The following DNAI1 variants were observed in gnomAD, a reference collection of about 807,000 sequenced individuals.
DNAI1 encodes dynein axonemal intermediate chain 1.
DNAI1 carries 67 observed loss-of-function variants against 92.0 expected under a neutral mutation model. The observed-to-expected ratio is 0.73, with a 90% CI of 0.60 to 0.89. The LOEUF is 0.89. Among genes scored for constraint, DNAI1 ranks in the 40% least tolerant of loss-of-function variants. The pLI, the probability that DNAI1 is intolerant of heterozygous loss-of-function variation, is 0.00. For missense variants in DNAI1, 839 were observed against 866.6 expected, an observed-to-expected ratio of 0.97 and a Z score of 0.40; for synonymous variants, 323 against 319.6, an observed-to-expected ratio of 1.01 and a Z score of -0.11.
chr9:34,471,790 C>T lies in DNAI1; in HGVS notation c.49-11658C>T, dbSNP rs564209782. Among the ~76,000 whole-genome samples, 5 of 151,946 alleles carry T rather than the reference C, an allele frequency of 3.3e-5. No homozygotes were observed. In the South Asian group the frequency reaches 1.0e-3, roughly 32 times the overall value. Reference sequence around the variant, plus strand: ...ATTAAAAAAAAAAATCAAAGTATTTCTTCATATTAACAGGATAAAGAAGAA... The same window carrying T: ...ATTAAAAAAAAAAATCAAAGTATTTTTTCATATTAACAGGATAAAGAAGAA... On this transcript the variant is annotated intron_variant, in intron 1 of 19. Coordinates refer to ENST00000242317, the MANE Select transcript of DNAI1 (RefSeq NM_012144.4).
chr9:34,460,874 T>G (rs1047453147), intron 1 of DNAI1, among the ~76,000 whole-genome samples: 1 of 151,958 alleles, frequency 6.6e-6, no homozygotes, highest in Non-Finnish European at 1.5e-5. Context: ...GGAGTCTTGC[T>G]CTGTCGCCCA....
intron 9 of DNAI1, among the ~76,000 whole-genome samples, chr9:34,496,470 A>G (rs1340563991): frequency 6.6e-6 from 1 of 152,164 alleles, no homozygotes; most frequent in Non-Finnish European, 1.5e-5. Context: ...GGAATTTCAC[A>G]CAATGGCAAG....
At chr9:34,462,745 T>C (rs1281336335) in intron 1 of DNAI1, among the ~76,000 whole-genome samples, 1 of 152,212 alleles carries the variant, frequency 6.6e-6, no homozygotes, top group Non-Finnish European at 1.5e-5. Context: ...CTATGAATGA[T>C]TCAAATTTGA....
rs766077669 is a variant in DNAI1, at chr9:34,517,440, C to G, written c.1974C>G (p.Leu658=). The change falls in exon 19 of 20, where the codon CTC becomes CTG. Residue 658 remains leucine (L), a synonymous_variant. Transcript: ENST00000242317. ...GTGGGCACATCATCAGCCTCAAGCT[C>G]TCACCCAATTTGCGCAAGATGCCAA... is the stretch of plus-strand genomic sequence containing the variant. ...DDRGHIISLK[L]SPNLRKMPKE... is the part of the protein sequence containing the mutation. 1 of 1,614,202 alleles carries G rather than the reference C, an allele frequency of 6.2e-7. No individual in the cohort carries two copies. The highest frequency in any genetic ancestry group is 2.2e-5 in the East Asian group (1 of 44,884).
chr9:34,506,537 C>A, intron 12 of DNAI1, 90 bp from the exon 13 acceptor site: 1 of 1,579,126 alleles, frequency 6.3e-7, no homozygotes, highest in Non-Finnish European at 8.6e-7. Context: ...CAGGGCAGGG[C>A]TTGCCCACCT....
chr9:34,502,313 C>T (rs1240554424), intron 12 of DNAI1, among the ~76,000 whole-genome samples: 1 of 152,170 alleles, frequency 6.6e-6, no homozygotes, highest in African/African-American at 2.4e-5. Flanking sequence ...GGGAAGTGCC[C>T]TCCCCCTCTG....
chr9:34,469,570 C>A (rs1318737454), intron 1 of DNAI1, among the ~76,000 whole-genome samples: 3 of 151,636 alleles, frequency 2.0e-5, no homozygotes, highest in South Asian at 2.1e-4. Flanking sequence ...TATTAATTTT[C>A]TTTTTGTTGT....
chr9:34,475,899 TA>T (rs1824226910), intron 1 of DNAI1, among the ~76,000 whole-genome samples: 1 of 152,180 alleles, frequency 6.6e-6, no homozygotes, highest in African/African-American at 2.4e-5. Flanking sequence ...ATCACTAAAA[TA>T]CGCTCAGGGA....
At chr9:34,499,301 A>G (rs1031884217) in intron 10 of DNAI1, among the ~76,000 whole-genome samples, 15 of 152,244 alleles carry the variant, frequency 9.9e-5, no homozygotes, top group Admixed American at 9.8e-4. Flanking sequence ...AGGTATGGGC[A>G]CTATAGGAGA....
chr9:34,517,270 C>G lies in DNAI1; in HGVS notation c.1819-15C>G. ...CTCATTACCCCTGAGTGTGCTGACACCGACCTCTCCACAGGCCCACATATT... is the reference window on the plus strand; with the variant it reads ...CTCATTACCCCTGAGTGTGCTGACAGCGACCTCTCCACAGGCCCACATATT... On this transcript the variant is annotated splice_polypyrimidine_tract_variant and intron_variant, in intron 18 of 19. Transcript: ENST00000242317. 1.2e-6 allele frequency: 2 copies of G among 1,612,782 alleles called. No homozygotes were observed. Among genetic ancestry groups the G allele is most frequent in the East Asian group, 2.2e-5 (1 of 44,834 alleles).
chr9:34,464,518 C>G (rs550896261), intron 1 of DNAI1, among the ~76,000 whole-genome samples: 2 of 152,086 alleles, frequency 1.3e-5, no homozygotes. Flanking sequence ...CAACCTGCCC[C>G]CAATGCCCCC....
chr9:34,515,471 G>A (rs1825155862), intron 18 of DNAI1, among the ~76,000 whole-genome samples: 1 of 152,124 alleles, frequency 6.6e-6, no homozygotes, highest in African/African-American at 2.4e-5. Context: ...GATACAAAAA[G>A]CAACAACAAA....
At chr9:34,464,427 GC>G (rs1373141370) in intron 1 of DNAI1, among the ~76,000 whole-genome samples, 1 of 151,912 alleles carries the variant, frequency 6.6e-6, no homozygotes, top group Admixed American at 6.6e-5. Flanking sequence ...TCTATGTGCT[GC>G]CCCCTTTCTG....
In DNAI1 at chr9:34,500,783, G is replaced by A. The variant is rs762694599; in HGVS notation, c.963G>A (p.Pro321=). 5.6e-5 allele frequency: 91 copies of A among 1,614,108 alleles called. No individual in the cohort carries two copies. The highest frequency in any genetic ancestry group is 7.5e-5 in the Non-Finnish European group (89 of 1,180,012). ...GGGACCAGGTGGGTACCCTGCTGCC[G>A]CTCTGGAAGTTCCAAAATGACAAAG... ...EYRDQVGTLL[P]LWKFQNDKAK... The change falls in exon 11 of 20, where the codon CCG becomes CCA. Residue 321 remains proline, a synonymous_variant. Transcript: ENST00000242317.
intron 13 of DNAI1, among the ~76,000 whole-genome samples, 158 bp from the exon 14 acceptor site, chr9:34,511,951 G>A (rs985036385): frequency 1.3e-5 from 2 of 152,198 alleles, no homozygotes; most frequent in African/African-American, 4.8e-5. Context: ...GAGATGGATG[G>A]AAGGAGGGAG....
intron 1 of DNAI1, among the ~76,000 whole-genome samples, chr9:34,483,153 G>A (rs1029257933): frequency 7.9e-5 from 12 of 152,182 alleles, no homozygotes; most frequent in Non-Finnish European, 8.8e-5. Flanking sequence ...CTCCCTCCAC[G>A]CCTCTCCTTC....
intron 5 of DNAI1, among the ~76,000 whole-genome samples, chr9:34,489,791 G>C (rs1824546454): frequency 6.6e-6 from 1 of 152,150 alleles, no homozygotes; most frequent in South Asian, 2.1e-4. Context: ...AGAGGTTGCA[G>C]TGAGCCGAGA....
At chr9:34,513,042 T>C (rs1462982355) in intron 15 of DNAI1, 70 bp from the exon 16 acceptor site, 1 of 1,252,652 alleles carries the variant, frequency 8.0e-7, no homozygotes, top group Non-Finnish European at 1.2e-6. Flanking sequence ...GCTCCTCTGC[T>C]GAGTAGGGGA....
intron 1 of DNAI1, 68 bp from the exon 2 acceptor site, chr9:34,483,380 A>G: frequency 6.6e-7 from 1 of 1,513,006 alleles, no homozygotes; most frequent in Non-Finnish European, 9.1e-7. Flanking sequence ...CCTCCCTGAA[A>G]TACTGTTTAT....
Sources: gnomAD v4.1 joint callset for allele counts (sites outside exome capture counted in the v4.1 genomes callset) on GRCh38, gnomAD v4.1.1 for gene constraint, MANE v1.5 for transcripts, NCBI Gene and HGNC (gene_info 2026-07-23, HGNC 2026-07-21) for gene names.